The following HPSE2 variants were observed in gnomAD, a reference collection of about 807,000 sequenced individuals.
HPSE2 encodes the protein heparanase 2 (inactive).
In HPSE2, 38 loss-of-function variants were observed where a neutral mutation model predicts 60.5. That is an observed-to-expected ratio of 0.63 (90% CI 0.48 to 0.82). The LOEUF (loss-of-function observed/expected upper bound fraction) is 0.82, where lower values mean the gene tolerates loss of function less well. HPSE2 is among the 40% of genes least tolerant of loss of function. The pLI is 0.00. For missense variants in HPSE2, 713 were observed against 740.4 expected (o/e 0.96, Z 0.43); for synonymous variants, 295 against 293.2 (o/e 1.01, Z -0.06).
intron 9 of HPSE2, among the ~76,000 whole-genome samples, chr10:98,495,050 AT>A (rs1381633049): frequency 6.6e-6 from 1 of 152,186 alleles, no homozygotes; most frequent in East Asian, 1.9e-4. Context: ...TCCCTTAAGC[AT>A]TTTTTGCAGA....
chr10:98,867,670 A>G (rs1952624197), intron 3 of HPSE2, among the ~76,000 whole-genome samples: 1 of 152,186 alleles, frequency 6.6e-6, no homozygotes, highest in African/African-American at 2.4e-5. Flanking sequence ...GAAAATTAGT[A>G]TATCAAAGAG....
chr10:99,050,630 A>G (rs1957969513), intron 3 of HPSE2, among the ~76,000 whole-genome samples: 1 of 152,208 alleles, frequency 6.6e-6, no homozygotes, highest in Non-Finnish European at 1.5e-5. Flanking sequence ...CCATCAACCA[A>G]TGGACACCAA....
chr10:98,653,541 T>C (rs1946976644), intron 6 of HPSE2, among the ~76,000 whole-genome samples: 1 of 151,984 alleles, frequency 6.6e-6, no homozygotes, highest in Non-Finnish European at 1.5e-5. Context: ...GTGGTTGCCC[T>C]AGAATTTCCA....
chr10:98,666,191 T>C (rs1004336067), intron 6 of HPSE2, among the ~76,000 whole-genome samples: 12 of 152,190 alleles, frequency 7.9e-5, no homozygotes, highest in African/African-American at 2.2e-4. Context: ...AAAAGGAGTA[T>C]TGCATAATGA....
chr10:98,666,243 T>C (rs1298523998), intron 6 of HPSE2, among the ~76,000 whole-genome samples: 1 of 152,178 alleles, frequency 6.6e-6, no homozygotes, highest in African/African-American at 2.4e-5. Flanking sequence ...TATCCTAATA[T>C]ATATGCAGCC....
intron 9 of HPSE2, among the ~76,000 whole-genome samples, chr10:98,509,146 T>C (rs889125867): frequency 1.7e-4 from 26 of 151,960 alleles, no homozygotes; most frequent in African/African-American, 5.8e-4. Context: ...AAACACTGTC[T>C]CTACTAAAAA....
chr10:98,695,554 G>A (rs2134174445), intron 5 of HPSE2, among the ~76,000 whole-genome samples: 1 of 152,294 alleles, frequency 6.6e-6, no homozygotes, highest in South Asian at 2.1e-4. Context: ...GCTTGGTAAG[G>A]TGGATATTGT....
intron 11 of HPSE2, among the ~76,000 whole-genome samples, chr10:98,469,934 A>G (rs1481161151): frequency 6.6e-6 from 1 of 152,146 alleles, no homozygotes; most frequent in African/African-American, 2.4e-5. Context: ...CCCATCTCCT[A>G]TATTTACCCT....
chr10:99,183,053 T>C (rs571223380), intron 2 of HPSE2, among the ~76,000 whole-genome samples: 15 of 152,244 alleles, frequency 9.9e-5, no homozygotes, highest in Admixed American at 4.6e-4. Flanking sequence ...CAGTGATCCC[T>C]GAGGAAGGAA....
In HPSE2 at chr10:98,857,572, C is replaced by T. The variant is rs184740948; in HGVS notation, c.611-113516G>A. 3.9e-5 allele frequency among the ~76,000 whole-genome samples: 6 copies of T among 152,146 alleles called. No individual in the cohort carries two copies. The East Asian group carries it at 1.2e-3, about 29-fold the overall frequency. On this transcript the variant is annotated intron_variant, in intron 3 of 11. Transcript: ENST00000370552. ...GTTTTAAAATACAGAATGGTAAACA[C>T]GTACACACCAAAAATCAAGGCATAA...
At chr10:99,263,349 A>C in the HPSE2 span, among the ~76,000 whole-genome samples, 1 of 151,888 alleles carries the variant, frequency 6.6e-6, no homozygotes, top group Non-Finnish European at 1.5e-5. Flanking sequence ...CTCTTGCAAA[A>C]GGACTACATG....
At chr10:98,505,581 T>A (rs976810901) in intron 9 of HPSE2, among the ~76,000 whole-genome samples, 49 of 152,222 alleles carry the variant, frequency 3.2e-4, no homozygotes, top group African/African-American at 1.1e-3. Flanking sequence ...TTTCTCTTTT[T>A]GTGTGTTAAG....
chr10:99,010,430 G>C (rs1461694798), intron 3 of HPSE2, among the ~76,000 whole-genome samples: 2 of 152,238 alleles, frequency 1.3e-5, no homozygotes, highest in East Asian at 3.9e-4. Flanking sequence ...GTGAAAGAGG[G>C]ATTTACTTGA....
chr10:98,870,945 T>TTA (rs1952715186), intron 3 of HPSE2, among the ~76,000 whole-genome samples: 4 of 142,172 alleles, frequency 2.8e-5, no homozygotes, highest in Admixed American at 2.1e-4. Context: ...TTTAAATTAT[T>TTA]AAAAAAAAAA....
intron 10 of HPSE2, among the ~76,000 whole-genome samples, chr10:98,489,159 G>T (rs1395098182): frequency 2.0e-5 from 3 of 152,138 alleles, no homozygotes; most frequent in African/African-American, 7.2e-5. Flanking sequence ...TGCATTAAGA[G>T]AAAGAGAAAG....
At chr10:98,790,352 AC>A (rs1177008334) in intron 3 of HPSE2, among the ~76,000 whole-genome samples, 1 of 152,186 alleles carries the variant, frequency 6.6e-6, no homozygotes, top group Non-Finnish European at 1.5e-5. Flanking sequence ...AGAAGGTGGA[AC>A]TGGAGGGCAT....
intron 3 of HPSE2, among the ~76,000 whole-genome samples, chr10:98,971,158 G>A (rs1299299913): frequency 1.3e-5 from 2 of 152,088 alleles, no homozygotes; most frequent in African/African-American, 2.4e-5. Context: ...ATTAACAAAC[G>A]TTTAATACTG....
At chr10:99,283,607 A>C in the HPSE2 span, among the ~76,000 whole-genome samples, 3 of 152,094 alleles carry the variant, frequency 2.0e-5, no homozygotes. Context: ...ACCTTTAGGC[A>C]AATTAACTAA....
intron 5 of HPSE2, among the ~76,000 whole-genome samples, chr10:98,705,887 C>T (rs931967481): frequency 3.3e-5 from 5 of 152,162 alleles, no homozygotes; most frequent in Non-Finnish European, 7.3e-5. Flanking sequence ...AACAAACCTA[C>T]ATGTCCTGCA....
Sources: gnomAD v4.1 joint callset for allele counts (sites outside exome capture counted in the v4.1 genomes callset) on GRCh38, gnomAD v4.1.1 for gene constraint, MANE v1.5 for transcripts, NCBI Gene and HGNC (gene_info 2026-07-23, HGNC 2026-07-21) for gene names.